ULK4: variants seen among roughly 807,000 people sequenced by gnomAD.
The protein encoded by ULK4 is unc-51 like kinase 4.
In ULK4, 133 loss-of-function variants were observed where a neutral mutation model predicts 160.6. The observed-to-expected ratio is 0.83, with a 90% confidence interval of 0.72 to 0.96. The LOEUF is 0.96. Among genes scored for constraint, ULK4 ranks in the 40% least tolerant of loss-of-function variants. The pLI, the probability that ULK4 is intolerant of heterozygous loss-of-function variation, is 0.00. For missense variants in ULK4, 1,580 were observed against 1,499.5 expected, an observed-to-expected ratio of 1.05 and a Z score of -0.89; for synonymous variants, 534 against 539.8, an observed-to-expected ratio of 0.99 and a Z score of 0.15.
At chr3:41,369,220 C>A (rs9311273) in intron 35 of ULK4, among the ~76,000 whole-genome samples, 23,944 of 152,152 alleles carry the variant, frequency 0.16, 2,159 homozygotes, top group African/African-American at 0.23. Context: ...CTTAGAGGCC[C>A]TGCATGGTGG....
intron 18 of ULK4, among the ~76,000 whole-genome samples, chr3:41,835,418 A>G (rs754396905): frequency 5.3e-5 from 8 of 152,196 alleles, no homozygotes; most frequent in Non-Finnish European, 1.0e-4. Flanking sequence ...GCACCTTTAG[A>G]TATAATAAGT....
At chr3:41,635,932 T>C (rs2033934430) in intron 30 of ULK4, among the ~76,000 whole-genome samples, 3 of 152,218 alleles carry the variant, frequency 2.0e-5, no homozygotes, top group Non-Finnish European at 2.9e-5. Flanking sequence ...TATTAGTTCT[T>C]TTAGATACAT....
intron 31 of ULK4, among the ~76,000 whole-genome samples, chr3:41,583,654 C>T (rs1389083363): frequency 2.0e-5 from 3 of 152,190 alleles, no homozygotes; most frequent in Admixed American, 6.5e-5. Flanking sequence ...CTCCCAGTCA[C>T]CTCACCTCCT....
At chr3:41,535,231 C>T (rs1284935532) in intron 32 of ULK4, among the ~76,000 whole-genome samples, 1 of 152,134 alleles carries the variant, frequency 6.6e-6, no homozygotes, top group Non-Finnish European at 1.5e-5. Context: ...CATGTATGTT[C>T]TAGCAGCAAT....
chr3:41,475,873 G>A (rs2084125861), intron 32 of ULK4, among the ~76,000 whole-genome samples: 1 of 151,974 alleles, frequency 6.6e-6, no homozygotes, highest in Non-Finnish European at 1.5e-5. Context: ...TAGGAAACAG[G>A]AAGGGAGGAG....
chr3:41,437,976 G>A (rs1385838835), intron 34 of ULK4, among the ~76,000 whole-genome samples: 1 of 152,050 alleles, frequency 6.6e-6, no homozygotes, highest in Non-Finnish European at 1.5e-5. Flanking sequence ...CTCTGGGGAT[G>A]GGGAACTGGT....
intron 34 of ULK4, among the ~76,000 whole-genome samples, chr3:41,453,735 T>G (rs2125869526): frequency 6.6e-6 from 1 of 152,266 alleles, no homozygotes; most frequent in Admixed American, 6.5e-5. Flanking sequence ...GCATTATTAT[T>G]GTTATTGTTC....
chr3:41,503,286 CTTAG>C (rs774348319), intron 32 of ULK4, among the ~76,000 whole-genome samples: 17 of 152,338 alleles, frequency 1.1e-4, no homozygotes, highest in East Asian at 1.9e-4. Flanking sequence ...TCACAAGAAA[CTTAG>C]TTAGTGCACC....
intron 35 of ULK4, among the ~76,000 whole-genome samples, chr3:41,281,841 G>C (rs1017306514): frequency 6.6e-6 from 1 of 152,118 alleles, no homozygotes; most frequent in Non-Finnish European, 1.5e-5. Context: ...TATTCAATTA[G>C]GAAAAGAGGA....
intron 17 of ULK4, among the ~76,000 whole-genome samples, chr3:41,856,546 T>TACAC (rs1240249339): frequency 3.9e-4 from 28 of 71,068 alleles, no homozygotes; most frequent in Non-Finnish European, 5.7e-4. Flanking sequence ...TGTATATATA[T>TACAC]ATGTGTATAT....
chr3:41,875,951 T>C (rs903278696), intron 17 of ULK4, among the ~76,000 whole-genome samples: 2 of 143,104 alleles, frequency 1.4e-5, no homozygotes, highest in Admixed American at 7.0e-5. Context: ...GTATCACCTA[T>C]GATATGTTCT....
At chr3:41,783,070 G>A (rs1559550404) in intron 21 of ULK4, among the ~76,000 whole-genome samples, 1 of 151,722 alleles carries the variant, frequency 6.6e-6, no homozygotes, top group South Asian at 2.1e-4. Context: ...GCAGAGAAGA[G>A]GGAATATGTC....
chr3:41,350,162 G>C (rs1283468684), intron 35 of ULK4, among the ~76,000 whole-genome samples: 1 of 152,170 alleles, frequency 6.6e-6, no homozygotes, highest in Non-Finnish European at 1.5e-5. Flanking sequence ...AAAAGTGTAA[G>C]TTGAAAAAAT....
At chr3:41,714,874 CAT>C (rs947777690) in intron 25 of ULK4, among the ~76,000 whole-genome samples, 2 of 115,460 alleles carry the variant, frequency 1.7e-5, no homozygotes, top group African/African-American at 1.0e-4. Context: ...AGAAACTGCA[CAT>C]GATTGGACAA....
intron 20 of ULK4, among the ~76,000 whole-genome samples, chr3:41,795,777 A>G (rs1474319887): frequency 6.6e-6 from 1 of 152,196 alleles, no homozygotes; most frequent in African/African-American, 2.4e-5. Context: ...AAGTTGGTGG[A>G]GCCTAAAACT....
chr3:41,623,641 A>G (rs1279633528), intron 30 of ULK4, among the ~76,000 whole-genome samples: 1 of 152,128 alleles, frequency 6.6e-6, no homozygotes, highest in African/African-American at 2.4e-5. Context: ...TTATATGTAG[A>G]CTCTAAAAAA....
At chr3:41,660,296 C>CAA (rs138698771) in intron 30 of ULK4, among the ~76,000 whole-genome samples, 1 of 140,336 alleles carries the variant, frequency 7.1e-6, no homozygotes, top group African/African-American at 2.6e-5. Flanking sequence ...AACTCCGTCT[C>CAA]AAAAAAAAAA....
At chr3:41,956,155 G>T (rs1003749676) in intron 1 of ULK4, among the ~76,000 whole-genome samples, 1 of 152,196 alleles carries the variant, frequency 6.6e-6, no homozygotes, top group East Asian at 1.9e-4. Context: ...CGTAGTCTTG[G>T]TTTGCAACTT....
intron 17 of ULK4, among the ~76,000 whole-genome samples, chr3:41,865,863 G>A (rs1191740868): frequency 6.6e-6 from 1 of 151,868 alleles, no homozygotes; most frequent in Non-Finnish European, 1.5e-5. Flanking sequence ...GAAAAACTCT[G>A]TGACCTTGCA....
Sources: gnomAD v4.1 joint callset for allele counts (sites outside exome capture counted in the v4.1 genomes callset) on GRCh38, gnomAD v4.1.1 for gene constraint, MANE v1.5 for transcripts, NCBI Gene and HGNC (gene_info 2026-07-23, HGNC 2026-07-21) for gene names.